Variants in LRIG1 observed in about 807,000 individuals in gnomAD.
The protein encoded by LRIG1 is leucine rich repeats and immunoglobulin like domains 1.
Under a neutral mutation model 99.2 loss-of-function variants are expected in LRIG1, and 48 were observed. The ratio of observed to expected loss-of-function variants is 0.48; its 90% confidence interval spans 0.38 to 0.62. LRIG1 has a LOEUF of 0.62. Among genes scored for constraint, LRIG1 ranks in the 20% least tolerant of loss-of-function variants. The pLI, the probability that LRIG1 is intolerant of heterozygous loss-of-function variation, is 0.00. For missense variants in LRIG1, 1,646 were observed against 1,434.4 expected, an observed-to-expected ratio of 1.15 and a Z score of -2.38; for synonymous variants, 772 against 596.1, an observed-to-expected ratio of 1.29 and a Z score of -4.30.
rs58690347 is a variant in LRIG1, at chr3:66,386,603, C to G, written c.1469-302G>C. On this transcript the variant is annotated intron_variant, in intron 12 of 18. Transcript: ENST00000273261. The stretch of plus-strand genomic sequence containing the variant: ...GGCAGTTTCCTTAAGACAACTGGCT[C>G]TGCCTGCTGACTTTCACACAAAACA... 5.4e-3 allele frequency: 1,787 copies of G among 333,180 alleles called. 34 individuals carry two copies. Among genetic ancestry groups the G allele is most frequent in the African/African-American group, 0.034 (1,632 of 48,058 alleles). 20.6% of individuals were successfully genotyped at this position (333,180 alleles called of 1,614,324 possible).
chr3:66,405,733 G>A, intron 8 of LRIG1: 1 of 1,118,948 alleles, frequency 8.9e-7, no homozygotes, highest in South Asian at 2.1e-5. Flanking sequence ...CACAGGGCCG[G>A]CCCGTGGGCG....
intron 1 of LRIG1, among the ~76,000 whole-genome samples, chr3:66,476,450 A>C (rs1665480198): frequency 6.6e-6 from 1 of 152,188 alleles, no homozygotes; most frequent in Non-Finnish European, 1.5e-5. Context: ...GTAGTCCATT[A>C]GTATCAACTT....
At chr3:66,382,241 A>C in intron 16 of LRIG1, 32 bp downstream of exon 16, 1 of 1,612,954 alleles carries the variant, frequency 6.2e-7, no homozygotes, top group Non-Finnish European at 8.5e-7. Context: ...CAGTCACAGC[A>C]GAGCTCTGCT....
intron 1 of LRIG1, among the ~76,000 whole-genome samples, chr3:66,463,852 G>A (rs1700411613): frequency 6.6e-6 from 1 of 152,198 alleles, no homozygotes; most frequent in Non-Finnish European, 1.5e-5. Context: ...TGTGAGCTCA[G>A]AGACGTTCAT....
In LRIG1 at chr3:66,500,309, G is replaced by A; in HGVS notation, c.99C>T (p.Ala33=). 6.8e-7 allele frequency: 1 copy of A among 1,477,408 alleles called. No individual in the cohort carries two copies. Among genetic ancestry groups the A allele is most frequent in the Non-Finnish European group, 8.9e-7 (1 of 1,118,488 alleles). 91.5% of individuals were successfully genotyped at this position (1,477,408 alleles called of 1,614,324 possible). The change falls in exon 1 of 19, where the codon GCC becomes GCT. Residue 33 remains alanine (A), a synonymous_variant. Transcript: ENST00000273261. ...CGCAGGGCGCCCGCGGGCCGGCCGCGGCGGTCACCGGCTCCAGCCGAAGCA... is the reference window on the plus strand; with the variant it reads ...CGCAGGGCGCCCGCGGGCCGGCCGCAGCGGTCACCGGCTCCAGCCGAAGCA... ...LLLLRLEPVT[A]AAGPRAPCAA...
chr3:66,475,899 T>C (rs1412076765), intron 1 of LRIG1, among the ~76,000 whole-genome samples: 1 of 152,184 alleles, frequency 6.6e-6, no homozygotes, highest in Non-Finnish European at 1.5e-5. Flanking sequence ...CCAGGCACCT[T>C]TTCAATTCAG....
intron 17 of LRIG1, 50 bp from the exon 18 acceptor site, chr3:66,380,911 C>G (rs764637843): frequency 6.3e-7 from 1 of 1,580,466 alleles, no homozygotes; most frequent in Non-Finnish European, 8.6e-7. Context: ...TGGGAGTCTT[C>G]GTCCCCACAC....
At chr3:66,408,913 AGTGTGTGTGT>A (rs55651719) in intron 7 of LRIG1, among the ~76,000 whole-genome samples, 1,356 of 34,916 alleles carry the variant, frequency 0.039, 20 homozygotes, top group Middle Eastern at 0.1. Flanking sequence ...ACTCCAAGTC[AGTGTGTGTGT>A]GTGTGTGTGT....
In LRIG1 at chr3:66,451,516, G is replaced by GCC. The variant is rs574913126; in HGVS notation, c.365+41_365+42dup. On this transcript the variant is annotated intron_variant, in intron 3 of 18. Transcript: ENST00000273261. ...TATCAGCAAGGCAACAAACACCATG[G>GCC]CCCCACCACACAGCCCAGAGTCCCC... 3.3e-4 allele frequency: 520 copies of GCC among 1,562,454 alleles called. 10 individuals carry two copies. The South Asian group carries it at 5.6e-3, about 17-fold the overall frequency.
intron 9 of LRIG1, among the ~76,000 whole-genome samples, chr3:66,399,381 T>C (rs977636359): frequency 2.0e-5 from 3 of 152,180 alleles, no homozygotes. Flanking sequence ...CCACCAACCC[T>C]TGGGTGGTGA....
At chr3:66,465,388 G>A (rs1244638710) in intron 1 of LRIG1, among the ~76,000 whole-genome samples, 5 of 113,564 alleles carry the variant, frequency 4.4e-5, no homozygotes, top group African/African-American at 1.8e-4. Flanking sequence ...TTTTTGAGAC[G>A]AGTCTTGCTC....
At chr3:66,408,565 C>T (rs1702357985) in intron 7 of LRIG1, among the ~76,000 whole-genome samples, 1 of 152,170 alleles carries the variant, frequency 6.6e-6, no homozygotes, top group Admixed American at 6.5e-5. Context: ...CAGAAGACAG[C>T]ATGCCATCCC....
intron 2 of LRIG1, among the ~76,000 whole-genome samples, chr3:66,458,532 T>A (rs934320759): frequency 6.6e-5 from 10 of 151,602 alleles, no homozygotes; most frequent in African/African-American, 2.4e-4. Flanking sequence ...CGAAATCCCA[T>A]CTCTACTAAA....
At chr3:66,402,549 TTGCATGGTGGGAAGGACCCAAGG>T (rs6147862) in intron 9 of LRIG1, among the ~76,000 whole-genome samples, 91,607 of 151,986 alleles carry the variant, frequency 0.6, 27,993 homozygotes, top group Middle Eastern at 0.64. Context: ...GTCTGACCTC[TTGCATGGTGGGAAGGACCCAAGG>T]TCCTTGAGTA....
At chr3:66,414,838 C>T (rs945626744) in intron 5 of LRIG1, 82 bp downstream of exon 5, 18 of 1,315,752 alleles carry the variant, frequency 1.4e-5, no homozygotes, top group East Asian at 2.5e-5. Context: ...GAAAGGGTGG[C>T]GTTTGGTACG....
At chr3:66,480,541 G>A (rs1043720651) in intron 1 of LRIG1, among the ~76,000 whole-genome samples, 8 of 151,286 alleles carry the variant, frequency 5.3e-5, no homozygotes, top group African/African-American at 1.9e-4. Flanking sequence ...ATGCCACCTA[G>A]CTACTTCCAT....
intron 2 of LRIG1, among the ~76,000 whole-genome samples, chr3:66,453,472 G>A (rs1483667943): frequency 1.3e-5 from 2 of 152,168 alleles, no homozygotes; most frequent in African/African-American, 4.8e-5. Context: ...AAGTTGCAGT[G>A]GCCCAGGGTG....
Position 66,400,809 on chromosome 3 carries a change from G to A in LRIG1, c.1161-1768C>T, listed in dbSNP as rs758016813. On this transcript the variant is annotated intron_variant, in intron 9 of 18. Transcript: ENST00000273261. ...CTGGGACCTGCCCACCACACGGGCC[G>A]CTGCTTCTTCCTGACTGCAACAGGC... 9.2e-5 allele frequency among the ~76,000 whole-genome samples: 14 copies of A among 152,304 alleles called. No individual in the cohort carries two copies. The Middle Eastern group carries it at 0.01, about 111-fold the overall frequency.
At position 66,488,476 on chromosome 3, in the gene LRIG1, A is replaced by AAC. The variant is rs888949911; in HGVS notation, c.218+11713_218+11714insGT. Among the ~76,000 whole-genome samples the AAC allele has an allele frequency of 2.7e-4, 40 of 150,658 alleles. No individual in the cohort carries two copies. The East Asian group carries it at 6.8e-3, about 26-fold the overall frequency. ...ACCCTGTCTCTACTAAAAAAAAACA[A>AAC]AAAAAAAAAAATTAGCCTGGCTTGG... On this transcript the variant is annotated intron_variant, in intron 1 of 18. Transcript: ENST00000273261.
Sources: gnomAD v4.1 joint callset for allele counts (sites outside exome capture counted in the v4.1 genomes callset) on GRCh38, gnomAD v4.1.1 for gene constraint, MANE v1.5 for transcripts, NCBI Gene and HGNC (gene_info 2026-07-23, HGNC 2026-07-21) for gene names.